TLK1: variants seen among roughly 807,000 people sequenced by gnomAD.
The protein encoded by TLK1 is tousled like kinase 1.
Under a neutral mutation model 105.3 loss-of-function variants are expected in TLK1, and 24 were observed. The observed-to-expected ratio is 0.23, with a 90% CI of 0.17 to 0.32. TLK1 has a LOEUF of 0.32. TLK1 is among the 10% of genes least tolerant of loss of function. The pLI, the probability that TLK1 is intolerant of heterozygous loss-of-function variation, is 1.00. For missense variants in TLK1, 558 were observed against 910.5 expected (o/e 0.61, Z 4.98); for synonymous variants, 321 against 310.4 (o/e 1.03, Z -0.36).
At chr2:171,139,408 G>A (rs138601005) in intron 1 of TLK1, among the ~76,000 whole-genome samples, 1 of 152,250 alleles carries the variant, frequency 6.6e-6, no homozygotes, top group East Asian at 1.9e-4. Context: ...GACCAGCCTG[G>A]ACGACAAGGC....
chr2:171,096,757 C>CA (rs55784045), intron 2 of TLK1, among the ~76,000 whole-genome samples: 44,977 of 113,804 alleles, frequency 0.4, 7,223 homozygotes, highest in Middle Eastern at 0.45. Context: ...GACCCTGTCT[C>CA]AAAAAAAAAA....
At chr2:171,063,461 G>T (rs1687850788) in intron 3 of TLK1, among the ~76,000 whole-genome samples, 1 of 152,042 alleles carries the variant, frequency 6.6e-6, no homozygotes. Context: ...TAATTTTTCA[G>T]AATCCTTTAA....
rs76353610 is a variant in TLK1 at position 171,110,630 on chromosome 2, G to C, written c.258+7109C>G. Among the ~76,000 whole-genome samples, 1,228 of 152,276 alleles carry C rather than the reference G, an allele frequency of 8.1e-3. 20 individuals are homozygous for C. The highest frequency in any genetic ancestry group is 0.028 in the African/African-American group (1,172 of 41,544). On this transcript the variant is annotated intron_variant, in intron 2 of 20. Transcript: ENST00000431350. Reference sequence around the variant, plus strand: ...AGCCAGACTCAAAAAGGTACATATTGCAATATGTATCCATTTATATAGCAT... The same window carrying C: ...AGCCAGACTCAAAAAGGTACATATTCCAATATGTATCCATTTATATAGCAT...
In TLK1 at chr2:171,021,307, G is replaced by C. The variant is rs201436533; in HGVS notation, c.1237-6359C>G. ...AATATTTACAGCTGCTGTATTATAG[G>C]AGTGAAATTAACGTTCAACACTAAC... On this transcript the variant is annotated intron_variant, in intron 12 of 20. Coordinates refer to ENST00000431350, the MANE Select transcript of TLK1 (RefSeq NM_012290.5). Among the ~76,000 whole-genome samples, 6 of 152,256 alleles carry C rather than the reference G, an allele frequency of 3.9e-5. No homozygotes were observed. The East Asian group carries it at 1.2e-3, about 29-fold the overall frequency.
chr2:171,114,244 A>G (rs1690309577), intron 2 of TLK1, among the ~76,000 whole-genome samples: 1 of 152,172 alleles, frequency 6.6e-6, no homozygotes, highest in Non-Finnish European at 1.5e-5. Context: ...AGGCAGAATA[A>G]TTTCCCCAAT....
intron 13 of TLK1, among the ~76,000 whole-genome samples, chr2:171,013,276 G>GTGC (rs1465024925): frequency 6.8e-6 from 1 of 147,350 alleles, no homozygotes; most frequent in Non-Finnish European, 1.5e-5. Context: ...GCCTCCCAAA[G>GTGC]TGCTGGGATT....
chr2:171,161,130 CG>C (rs1692485828), upstream of TLK1, among the ~76,000 whole-genome samples: 1 of 144,946 alleles, frequency 6.9e-6, no homozygotes, highest in Admixed American at 6.9e-5. Context: ...CCGCGCGGCG[CG>C]GGAGCCCGGG....
intron 1 of TLK1, among the ~76,000 whole-genome samples, chr2:171,219,752 C>A (rs1053873312): frequency 4.6e-5 from 7 of 152,150 alleles, no homozygotes; most frequent in Non-Finnish European, 8.8e-5. Context: ...AGGCACGTGC[C>A]ACCACATCTG....
intron 1 of TLK1, among the ~76,000 whole-genome samples, chr2:171,146,121 T>C (rs1691780927): frequency 6.6e-6 from 1 of 152,186 alleles, no homozygotes; most frequent in Non-Finnish European, 1.5e-5. Context: ...TTAGAGTACT[T>C]GAACTTCAGA....
intron 1 of TLK1, among the ~76,000 whole-genome samples, chr2:171,148,389 T>C (rs185850757): frequency 1.6e-4 from 24 of 152,088 alleles, no homozygotes; most frequent in African/African-American, 5.5e-4. Flanking sequence ...GACATCCTTT[T>C]TTCAATCACT....
At chr2:171,178,408 G>A (rs7582822) in intron 1 of TLK1, among the ~76,000 whole-genome samples, 71,691 of 151,964 alleles carry the variant, frequency 0.47, 18,947 homozygotes, top group African/African-American at 0.73. Context: ...ATGTCATGGA[G>A]CTTTCAGTTA....
chr2:171,183,473 T>G (rs1692964927), intron 1 of TLK1, among the ~76,000 whole-genome samples: 1 of 152,170 alleles, frequency 6.6e-6, no homozygotes, highest in Non-Finnish European at 1.5e-5. Flanking sequence ...TTCTAAATCA[T>G]CTGTTTTATC....
intron 1 of TLK1, among the ~76,000 whole-genome samples, chr2:171,135,826 A>C (rs1235359403): frequency 1.3e-5 from 2 of 152,158 alleles, no homozygotes; most frequent in Admixed American, 6.6e-5. Context: ...AATTATTAGC[A>C]AAATGTAAAT....
At chr2:171,034,540 C>T (rs1307050474) in intron 11 of TLK1, among the ~76,000 whole-genome samples, 1 of 152,048 alleles carries the variant, frequency 6.6e-6, no homozygotes. Flanking sequence ...GAAGCAAATA[C>T]ACAGAGAAAG....
At chr2:171,075,805 T>A (rs1472679509) in intron 3 of TLK1, among the ~76,000 whole-genome samples, 1 of 152,190 alleles carries the variant, frequency 6.6e-6, no homozygotes, top group Non-Finnish European at 1.5e-5. Context: ...ATACATAATC[T>A]AACTTAGCAT....
rs185566860 is a variant in TLK1, at chr2:171,116,583, C to T, written c.258+1156G>A. On this transcript the variant is annotated intron_variant, in intron 2 of 20. Transcript: ENST00000431350. The stretch of plus-strand genomic sequence containing the variant: ...GGCATGGTGGTGAGCACCTGTAATC[C>T]CAGCTACTTGGGAGGCTGAGGCAGG... Among the ~76,000 whole-genome samples, 6 of 151,938 alleles carry T rather than the reference C, an allele frequency of 3.9e-5. No homozygotes were observed. The East Asian group carries it at 9.7e-4, about 24-fold the overall frequency.
intron 1 of TLK1, among the ~76,000 whole-genome samples, chr2:171,170,353 A>T (rs1692703595): frequency 6.6e-6 from 1 of 152,254 alleles, no homozygotes. Context: ...GTCAATAGAT[A>T]CAACAATTCA....
At chr2:171,021,577 T>C (rs933161570) in intron 12 of TLK1, among the ~76,000 whole-genome samples, 9 of 151,832 alleles carry the variant, frequency 5.9e-5, no homozygotes, top group African/African-American at 2.2e-4. Context: ...CTCTGCTTCC[T>C]TTTAAACCTA....
In TLK1 at chr2:170,997,786, G is replaced by C. The variant is rs1245249709; in HGVS notation, c.1942C>G (p.Pro648Ala). ...PPECFVVGKE[P>A]PKISNKVDVW... is the part of the protein sequence containing the mutation. ...TCAACCTTGTTGGAAATCTTTGGTG[G>C]CTCTTTTCCAACTACAAAACACTCA... The change falls in exon 19 of 21, where the codon CCA (proline) becomes GCA (alanine). Residue 648 changes from proline to alanine, a missense_variant. Physicochemically the swap from Pro to Ala is conservative, Grantham distance 27 (BLOSUM62 -1). Around this residue, in one of 5 missense-constraint regions of TLK1, gnomAD observed 218 missense variants for 492.9 expected, o/e 0.44. Transcript: ENST00000431350. The C allele has an allele frequency of 6.2e-7, 1 of 1,610,308 alleles. No homozygotes were observed.
Sources: gnomAD v4.1 joint callset for allele counts (sites outside exome capture counted in the v4.1 genomes callset) on GRCh38, gnomAD v4.1.1 for gene constraint, gnomAD v4.1.1 regional missense constraint, MANE v1.5 for transcripts, NCBI Gene and HGNC (gene_info 2026-07-23, HGNC 2026-07-21) for gene names.